Variants in ERBB4 observed in about 807,000 individuals in gnomAD.
The protein encoded by ERBB4 is erb-b2 receptor tyrosine kinase 4.
In ERBB4, 42 loss-of-function variants were observed where a neutral mutation model predicts 158.0. The observed-to-expected ratio is 0.27, with a 90% CI of 0.21 to 0.34. The LOEUF (loss-of-function observed/expected upper bound fraction) is 0.34. ERBB4 is among the 10% of genes least tolerant of loss of function. The probability of loss-of-function intolerance (pLI) is 1.00; values close to 1 mark genes in which losing one functional copy is unlikely to be tolerated. For synonymous variants in ERBB4, 583 were observed against 558.7 expected, an observed-to-expected ratio of 1.04 and a Z score of -0.61; for missense variants, 1,333 against 1,624.1, an observed-to-expected ratio of 0.82 and a Z score of 3.08.
intron 2 of ERBB4, among the ~76,000 whole-genome samples, chr2:212,024,270 C>T (rs1226585093): frequency 6.6e-6 from 1 of 151,916 alleles, no homozygotes; most frequent in Non-Finnish European, 1.5e-5. Context: ...CCCCTTCTTG[C>T]TCTACCTAAT....
intron 2 of ERBB4, among the ~76,000 whole-genome samples, chr2:212,040,299 A>T (rs1426300798): frequency 6.6e-6 from 1 of 151,944 alleles, no homozygotes; most frequent in Non-Finnish European, 1.5e-5. Context: ...TATTTGGTGA[A>T]TAGAAAAATT....
chr2:211,582,247 T>A (rs2068127183), intron 19 of ERBB4, among the ~76,000 whole-genome samples: 1 of 152,338 alleles, frequency 6.6e-6, no homozygotes, highest in Non-Finnish European at 1.5e-5. Flanking sequence ...GGCTTTCATC[T>A]GTGGAGGACA....
At chr2:211,611,464 C>G (rs978022105) in intron 19 of ERBB4, among the ~76,000 whole-genome samples, 13 of 58,754 alleles carry the variant, frequency 2.2e-4, no homozygotes, top group Admixed American at 9.3e-4. Flanking sequence ...CTTGCTGCCA[C>G]ACACTCTTTA....
At chr2:212,137,135 G>C (rs1000837268) in intron 1 of ERBB4, among the ~76,000 whole-genome samples, 1 of 152,050 alleles carries the variant, frequency 6.6e-6, no homozygotes, top group Non-Finnish European at 1.5e-5. Flanking sequence ...ATTTTTACAA[G>C]ATAATCATAC....
chr2:211,940,322 A>G (rs966757576), intron 3 of ERBB4, among the ~76,000 whole-genome samples: 2 of 152,116 alleles, frequency 1.3e-5, no homozygotes, highest in Non-Finnish European at 2.9e-5. Flanking sequence ...TGGGACTCTG[A>G]GGAGCAAAAA....
intron 1 of ERBB4, among the ~76,000 whole-genome samples, chr2:212,449,310 A>G (rs188941195): frequency 1.3e-5 from 2 of 152,260 alleles, no homozygotes; most frequent in African/African-American, 4.8e-5. Context: ...ATTGCCAACG[A>G]TAAGTATCAG....
At chr2:212,196,137 A>C (rs1390795920) in intron 1 of ERBB4, among the ~76,000 whole-genome samples, 1 of 152,096 alleles carries the variant, frequency 6.6e-6, no homozygotes, top group Non-Finnish European at 1.5e-5. Flanking sequence ...CCTAAAACTT[A>C]ATTACTAATA....
chr2:211,654,808 C>T (rs2071148607), intron 16 of ERBB4, among the ~76,000 whole-genome samples: 1 of 152,152 alleles, frequency 6.6e-6, no homozygotes, highest in Admixed American at 6.5e-5. Flanking sequence ...TTGTGGGCTA[C>T]AGGTGATTCT....
At chr2:211,944,738 C>T (rs575560730) in intron 3 of ERBB4, among the ~76,000 whole-genome samples, 1 of 152,220 alleles carries the variant, frequency 6.6e-6, no homozygotes, top group South Asian at 2.1e-4. Context: ...ATCAACATCA[C>T]TAGAGGGATA....
intron 19 of ERBB4, among the ~76,000 whole-genome samples, chr2:211,562,769 C>CTTTTTTTTTTTTTTTTTTTTTTTTTTTTT (rs367801279): frequency 4.8e-5 from 6 of 125,730 alleles, no homozygotes; most frequent in Non-Finnish European, 8.0e-5. Flanking sequence ...ACTACTCCAA[C>CTTTTTTTTTTTTTTTTTTTTTTTTTTTTT]TTTTTTTTTT....
chr2:211,965,035 TA>T, intron 2 of ERBB4, among the ~76,000 whole-genome samples: 1 of 152,330 alleles, frequency 6.6e-6, no homozygotes, highest in Non-Finnish European at 1.5e-5. Context: ...CCACACAGAC[TA>T]TTACCTATAC....
intron 1 of ERBB4, among the ~76,000 whole-genome samples, chr2:212,182,990 C>T (rs970535135): frequency 6.6e-6 from 1 of 151,422 alleles, no homozygotes; most frequent in Non-Finnish European, 1.5e-5. Flanking sequence ...ACAACTTAGC[C>T]ATTTGTTCAA....
chr2:211,522,983 T>C (rs1559256425), intron 20 of ERBB4, among the ~76,000 whole-genome samples: 1 of 151,114 alleles, frequency 6.6e-6, no homozygotes, highest in Non-Finnish European at 1.5e-5. Context: ...ACTTAAGAGT[T>C]TGGTGGTAAG....
In ERBB4 at chr2:211,808,501, A is replaced by G. The variant is rs144472253; in HGVS notation, c.422-20342T>C. On this transcript the variant is annotated intron_variant, in intron 3 of 27. Transcript: ENST00000342788. ...CATTGGTCTATATCTCTGTTTTGGT[A>G]CCAGTACAATGCTGTTTTGGTTACT... 3.9e-5 allele frequency among the ~76,000 whole-genome samples: 6 copies of G among 152,226 alleles called. No homozygotes were observed. In the East Asian group the frequency reaches 1.2e-3, roughly 29 times the overall value.
At chr2:211,785,596 A>G (rs755959129) in intron 4 of ERBB4, among the ~76,000 whole-genome samples, 1 of 152,098 alleles carries the variant, frequency 6.6e-6, no homozygotes, top group African/African-American at 2.4e-5. Flanking sequence ...TAATTTTTGA[A>G]CATGGCATAT....
chr2:211,512,532 G>C, intron 20 of ERBB4, among the ~76,000 whole-genome samples: 1 of 151,192 alleles, frequency 6.6e-6, no homozygotes, highest in South Asian at 2.1e-4. Context: ...CCTCTGACAA[G>C]TGAACAAACA....
intron 20 of ERBB4, chr2:211,535,689 G>C (rs1256527946): frequency 1.3e-5 from 2 of 152,664 alleles, no homozygotes; most frequent in African/African-American, 2.4e-5. Context: ...ACCCGATCTC[G>C]TCTGATCTCG....
intron 4 of ERBB4, among the ~76,000 whole-genome samples, chr2:211,753,639 C>T (rs1405443146): frequency 4.0e-5 from 6 of 151,832 alleles, no homozygotes; most frequent in Middle Eastern, 3.2e-3. Context: ...AGCTACATTC[C>T]TTAAACGATG....
chr2:211,706,309 G>C (rs1227401212), intron 9 of ERBB4, among the ~76,000 whole-genome samples: 1 of 152,078 alleles, frequency 6.6e-6, no homozygotes, highest in Non-Finnish European at 1.5e-5. Flanking sequence ...CAGTCTCTGA[G>C]AACATTCCTT....
Sources: gnomAD v4.1 joint callset for allele counts (sites outside exome capture counted in the v4.1 genomes callset) on GRCh38, gnomAD v4.1.1 for gene constraint, MANE v1.5 for transcripts, NCBI Gene and HGNC (gene_info 2026-07-23, HGNC 2026-07-21) for gene names.